Variants in BICC1 observed in about 807,000 individuals in gnomAD.
BICC1 encodes BicC family RNA binding protein 1.
BICC1 carries 43 observed loss-of-function variants against 111.0 expected under a neutral mutation model. The observed-to-expected ratio is 0.39, with a 90% CI of 0.30 to 0.50. The LOEUF (loss-of-function observed/expected upper bound fraction) is 0.50, where lower values mean the gene tolerates loss of function less well. BICC1 is among the 20% of genes least tolerant of loss of function. The pLI is 0.88. For missense variants in BICC1, 1,091 were observed against 1,203.2 expected, an observed-to-expected ratio of 0.91 and a Z score of 1.38; for synonymous variants, 467 against 434.4, an observed-to-expected ratio of 1.07 and a Z score of -0.93.
chr10:58,740,822 G>T (rs1223412734), intron 3 of BICC1, among the ~76,000 whole-genome samples: 5 of 152,202 alleles, frequency 3.3e-5, no homozygotes, highest in Admixed American at 3.3e-4. Context: ...AAAGGGATGG[G>T]TGTGGGGTGG....
At chr10:58,649,757 C>T (rs1388672533) in intron 2 of BICC1, among the ~76,000 whole-genome samples, 2 of 152,128 alleles carry the variant, frequency 1.3e-5, no homozygotes, top group African/African-American at 2.4e-5. Flanking sequence ...GATATTGGCT[C>T]ATCTAATCCT....
intron 2 of BICC1, among the ~76,000 whole-genome samples, chr10:58,660,735 C>A (rs369342784): frequency 2.0e-5 from 3 of 152,082 alleles, no homozygotes; most frequent in East Asian, 3.9e-4. Flanking sequence ...GGACTGATGC[C>A]TCTGCCTGGC....
chr10:58,726,689 C>T (rs1340188136), intron 3 of BICC1, among the ~76,000 whole-genome samples: 1 of 152,178 alleles, frequency 6.6e-6, no homozygotes, highest in Non-Finnish European at 1.5e-5. Context: ...TACTTACATA[C>T]TGAAAAGAAA....
rs117876501 is a variant in BICC1, at chr10:58,630,664, G to A, written c.237+9763G>A. ...TGATGTAGTTGGGAAACTCTACAAGGCCTAAATCATGAATTCAACTGTGAT... is the reference window on the plus strand; with the variant it reads ...TGATGTAGTTGGGAAACTCTACAAGACCTAAATCATGAATTCAACTGTGAT... On this transcript the variant is annotated intron_variant, in intron 2 of 20. Coordinates refer to ENST00000373886, the MANE Select transcript of BICC1 (RefSeq NM_001080512.3). Among the ~76,000 whole-genome samples the A allele has an allele frequency of 1.7e-4, 26 of 152,202 alleles. No homozygotes were observed. The East Asian group carries it at 4.7e-3, about 27-fold the overall frequency.
intron 3 of BICC1, among the ~76,000 whole-genome samples, chr10:58,750,862 C>T (rs1343425398): frequency 6.6e-6 from 1 of 152,130 alleles, no homozygotes; most frequent in South Asian, 2.1e-4. Context: ...CTTGAAGCCA[C>T]GAATATTTTC....
intron 3 of BICC1, among the ~76,000 whole-genome samples, chr10:58,709,451 T>C (rs1840504398): frequency 6.6e-6 from 1 of 152,230 alleles, no homozygotes; most frequent in South Asian, 2.1e-4. Context: ...TGACAAAGGT[T>C]GTAGAACACT....
intron 3 of BICC1, among the ~76,000 whole-genome samples, chr10:58,735,267 A>G (rs1841432913): frequency 6.6e-6 from 1 of 151,942 alleles, no homozygotes; most frequent in Admixed American, 6.6e-5. Context: ...TGGACACCAT[A>G]CTCGGGCTGT....
At chr10:58,690,804 G>A (rs1839886183) in intron 2 of BICC1, among the ~76,000 whole-genome samples, 1 of 152,144 alleles carries the variant, frequency 6.6e-6, no homozygotes, top group African/African-American at 2.4e-5. Flanking sequence ...GATGAACTGA[G>A]TTGAGTAGTA....
chr10:58,537,158 A>C (rs1396928094), intron 1 of BICC1, among the ~76,000 whole-genome samples: 1 of 151,856 alleles, frequency 6.6e-6, no homozygotes, highest in Admixed American at 6.6e-5. Flanking sequence ...ACTGGAATCA[A>C]TTCTACTGAA....
intron 3 of BICC1, among the ~76,000 whole-genome samples, chr10:58,744,110 G>A (rs978796877): frequency 2.0e-5 from 3 of 152,012 alleles, no homozygotes; most frequent in Non-Finnish European, 4.4e-5. Flanking sequence ...TAATAAAATT[G>A]CAATTCTAAG....
chr10:58,556,684 G>A (rs1372742912), intron 1 of BICC1, among the ~76,000 whole-genome samples: 2 of 151,966 alleles, frequency 1.3e-5, no homozygotes, highest in Non-Finnish European at 2.9e-5. Context: ...GTGGAATCAA[G>A]TAGTATACTT....
At chr10:58,745,981 A>G (rs972755823) in intron 3 of BICC1, among the ~76,000 whole-genome samples, 3 of 152,118 alleles carry the variant, frequency 2.0e-5, no homozygotes, top group South Asian at 4.1e-4. Context: ...TGGAGCATAT[A>G]TATTACCACA....
At chr10:58,524,314 A>G (rs1272724216) in intron 1 of BICC1, among the ~76,000 whole-genome samples, 2 of 150,256 alleles carry the variant, frequency 1.3e-5, no homozygotes, top group African/African-American at 4.8e-5. Flanking sequence ...ACAAGGCTAC[A>G]GTAACCAAAA....
At chr10:58,575,662 G>C (rs1277953482) in intron 1 of BICC1, among the ~76,000 whole-genome samples, 2 of 152,032 alleles carry the variant, frequency 1.3e-5, no homozygotes, top group East Asian at 1.9e-4. Flanking sequence ...GACTTAACGC[G>C]ATTTTCCTGC....
chr10:58,652,610 A>G (rs1242952984), intron 2 of BICC1, among the ~76,000 whole-genome samples: 1 of 152,144 alleles, frequency 6.6e-6, no homozygotes, highest in East Asian at 1.9e-4. Flanking sequence ...TTATCCACGT[A>G]ACACGGTCAA....
chr10:58,736,506 A>G (rs1048869322), intron 3 of BICC1, among the ~76,000 whole-genome samples: 1 of 152,172 alleles, frequency 6.6e-6, no homozygotes, highest in Non-Finnish European at 1.5e-5. Context: ...CCAAATATCT[A>G]AGGTGAGTCA....
At chr10:58,601,140 T>TG (rs1554810885) in intron 1 of BICC1, among the ~76,000 whole-genome samples, 1 of 100,672 alleles carries the variant, frequency 9.9e-6, no homozygotes, top group South Asian at 3.1e-4. Context: ...ATTTTAAAAC[T>TG]TATATATATA....
intron 1 of BICC1, among the ~76,000 whole-genome samples, chr10:58,618,926 C>T (rs188271590): frequency 6.6e-6 from 1 of 152,248 alleles, no homozygotes; most frequent in African/African-American, 2.4e-5. Flanking sequence ...CTCTTAGAGG[C>T]CACCTACATT....
chr10:58,793,898 C>T (rs762109669), intron 9 of BICC1, among the ~76,000 whole-genome samples: 4 of 152,130 alleles, frequency 2.6e-5, no homozygotes, highest in Non-Finnish European at 5.9e-5. Flanking sequence ...TAAAACACTT[C>T]TGGTCCCAGG....
Sources: gnomAD v4.1 joint callset for allele counts (sites outside exome capture counted in the v4.1 genomes callset) on GRCh38, gnomAD v4.1.1 for gene constraint, MANE v1.5 for transcripts, NCBI Gene and HGNC (gene_info 2026-07-23, HGNC 2026-07-21) for gene names.